The following NLGN1 variants were observed in gnomAD, a reference collection of about 807,000 sequenced individuals.
The protein encoded by NLGN1 is neuroligin-1.
A neutral mutation model predicts 65.5 loss-of-function variants in NLGN1; 12 were observed. That is an observed-to-expected ratio of 0.18 (90% CI 0.12 to 0.30). NLGN1 has a LOEUF of 0.30. Ranked by LOEUF, NLGN1 falls within the 10% of genes least tolerant of loss-of-function variation. The probability of loss-of-function intolerance (pLI) is 1.00; values close to 1 mark genes in which losing one functional copy is unlikely to be tolerated. For missense variants in NLGN1, 750 were observed against 1,007.1 expected (o/e 0.74, Z 3.46); for synonymous variants, 350 against 359.5 (o/e 0.97, Z 0.30).
chr3:174,138,799 T>C (rs993832257), intron 4 of NLGN1, among the ~76,000 whole-genome samples: 2 of 152,132 alleles, frequency 1.3e-5, no homozygotes, highest in African/African-American at 2.4e-5. Context: ...TTACAAGATA[T>C]TGAGTATATT....
At position 173,806,187 on chromosome 3, in the gene NLGN1, G is replaced by A. The variant is rs376779287; in HGVS notation, c.494-1493G>A. 3.9e-4 allele frequency among the ~76,000 whole-genome samples: 59 copies of A among 152,178 alleles called. 1 individual carries two copies. Among genetic ancestry groups the A allele is most frequent in the African/African-American group, 1.2e-3 (50 of 41,558 alleles). ...CTGCAATGAGCCATTTCCCCAACTC[G>A]AAAATCTGGGCAAACAAGCTGAGCT... On this transcript the variant is annotated intron_variant, in intron 3 of 6. Coordinates refer to ENST00000457714, the Ensembl canonical transcript of NLGN1.
chr3:173,465,769 T>C (rs1576824377), intron 2 of NLGN1, among the ~76,000 whole-genome samples: 1 of 152,152 alleles, frequency 6.6e-6, no homozygotes, highest in South Asian at 2.1e-4. Flanking sequence ...AAGAAAAATA[T>C]GGTAGAACAT....
chr3:173,538,138 C>G (rs923700308), intron 2 of NLGN1, among the ~76,000 whole-genome samples: 2 of 152,114 alleles, frequency 1.3e-5, no homozygotes. Flanking sequence ...TGTTTCCACC[C>G]TTGATTCCCA....
In NLGN1 at chr3:174,245,596, A is replaced by G. The variant is rs1011820279; in HGVS notation, c.647-29719A>G. Among the ~76,000 whole-genome samples the G allele has an allele frequency of 3.3e-5, 5 of 152,304 alleles. No individual in the cohort carries two copies. The South Asian group carries it at 1.0e-3, about 32-fold the overall frequency. ...CCGGTGTCTAATTACACAGTAACCA[A>G]ATAGATACATGTAAAATTATCTCTA... On this transcript the variant is annotated intron_variant, in intron 4 of 6. Transcript: ENST00000457714.
intron 4 of NLGN1, among the ~76,000 whole-genome samples, chr3:174,043,904 C>G (rs568733797): frequency 3.3e-5 from 5 of 152,296 alleles, no homozygotes; most frequent in Admixed American, 3.3e-4. Flanking sequence ...AGGTCTCTGC[C>G]CCTGCAGCCT....
chr3:174,085,360 T>C (rs1281467431), intron 4 of NLGN1, among the ~76,000 whole-genome samples: 3 of 152,076 alleles, frequency 2.0e-5, no homozygotes, highest in Non-Finnish European at 4.4e-5. Flanking sequence ...GATTACTCAT[T>C]TATAAATGGT....
At chr3:173,813,609 G>T (rs764619476) in intron 4 of NLGN1, among the ~76,000 whole-genome samples, 7 of 152,080 alleles carry the variant, frequency 4.6e-5, no homozygotes, top group South Asian at 2.1e-4. Flanking sequence ...AGTAATTTGT[G>T]ACAATGCACA....
chr3:173,585,306 T>C (rs979277236), intron 2 of NLGN1, among the ~76,000 whole-genome samples: 1 of 152,094 alleles, frequency 6.6e-6, no homozygotes, highest in Non-Finnish European at 1.5e-5. Flanking sequence ...ATCCAGTGCT[T>C]TCTCCTAGCA....
chr3:174,191,002 C>T (rs922075237), intron 4 of NLGN1, among the ~76,000 whole-genome samples: 5 of 150,626 alleles, frequency 3.3e-5, no homozygotes, highest in South Asian at 2.1e-4. Context: ...GTAGTGTGTG[C>T]GTGTGTGTGT....
At chr3:173,625,083 G>T (rs538187707) in intron 3 of NLGN1, among the ~76,000 whole-genome samples, 46 of 152,128 alleles carry the variant, frequency 3.0e-4, no homozygotes, top group Non-Finnish European at 5.1e-4. Context: ...ATTGTTTCTG[G>T]ATTTACTATA....
At chr3:173,784,791 A>G (rs1781700020) in intron 3 of NLGN1, among the ~76,000 whole-genome samples, 1 of 152,220 alleles carries the variant, frequency 6.6e-6, no homozygotes, top group African/African-American at 2.4e-5. Flanking sequence ...TATATACAAC[A>G]GATAGAAAAC....
chr3:174,086,833 G>T lies in NLGN1; in HGVS notation c.647-188482G>T, dbSNP rs375911831. ...TTTACAGTAGAATCTCTACAAAATC[G>T]TTTGTGTTTGGCACAGTTATTTTAT... On this transcript the variant is annotated intron_variant, in intron 4 of 6. Coordinates refer to ENST00000457714, the Ensembl canonical transcript of NLGN1. Among the ~76,000 whole-genome samples, 9 of 151,776 alleles carry T rather than the reference G, an allele frequency of 5.9e-5. No individual in the cohort carries two copies. The East Asian group carries it at 1.4e-3, about 23-fold the overall frequency.
chr3:173,738,707 G>A (rs1008256636), intron 3 of NLGN1, among the ~76,000 whole-genome samples: 1 of 151,864 alleles, frequency 6.6e-6, no homozygotes, highest in Admixed American at 6.6e-5. Context: ...TTTTGAGATC[G>A]TTTTGGCAAT....
chr3:174,190,048 A>T (rs1732100347), intron 4 of NLGN1, among the ~76,000 whole-genome samples: 1 of 152,096 alleles, frequency 6.6e-6, no homozygotes. Context: ...ACATGATATC[A>T]CTTAGGACAT....
chr3:173,933,569 G>A (rs1421217521), intron 4 of NLGN1, among the ~76,000 whole-genome samples: 1 of 152,162 alleles, frequency 6.6e-6, no homozygotes, highest in Non-Finnish European at 1.5e-5. Flanking sequence ...AAGTTATTCA[G>A]ATCCCTGGTA....
At chr3:173,966,582 C>T (rs946046223) in intron 4 of NLGN1, among the ~76,000 whole-genome samples, 1 of 152,170 alleles carries the variant, frequency 6.6e-6, no homozygotes, top group African/African-American at 2.4e-5. Flanking sequence ...ACTGAAAGCA[C>T]ATACACATTT....
intron 3 of NLGN1, among the ~76,000 whole-genome samples, chr3:173,712,556 T>C (rs1023040090): frequency 6.6e-6 from 1 of 152,214 alleles, no homozygotes; most frequent in African/African-American, 2.4e-5. Context: ...TTGAAGCTTA[T>C]GTTTCTTACT....
At chr3:174,115,553 C>A (rs1716213598) in intron 4 of NLGN1, among the ~76,000 whole-genome samples, 1 of 152,116 alleles carries the variant, frequency 6.6e-6, no homozygotes, top group South Asian at 2.1e-4. Flanking sequence ...ATGGAGAGGT[C>A]CTTCCATCCA....
At chr3:173,953,510 G>A (rs554838776) in intron 4 of NLGN1, among the ~76,000 whole-genome samples, 1 of 152,228 alleles carries the variant, frequency 6.6e-6, no homozygotes, top group East Asian at 1.9e-4. Flanking sequence ...TGGACTGCCT[G>A]AGGCCATTTT....
Sources: allele counts gnomAD v4.1 joint callset (sites outside exome capture counted in the v4.1 genomes callset), GRCh38; gene constraint gnomAD v4.1.1; transcripts MANE v1.5; gene names NCBI Gene and HGNC (gene_info 2026-07-23, HGNC 2026-07-21).